Variants in RASGRF1 observed in about 807,000 individuals in gnomAD.
RASGRF1 encodes the protein ras-specific guanine nucleotide-releasing factor 1.
In RASGRF1, 40 loss-of-function variants were observed where a neutral mutation model predicts 138.7. That is an observed-to-expected ratio of 0.29 (90% CI 0.22 to 0.38). The LOEUF (loss-of-function observed/expected upper bound fraction) is 0.38, where lower values mean the gene tolerates loss of function less well. Among genes scored for constraint, RASGRF1 ranks in the 10% least tolerant of loss-of-function variants. RASGRF1 has a pLI of 1.00. For synonymous variants in RASGRF1, 614 were observed against 663.2 expected (o/e 0.93, Z 1.14); for missense variants, 1,108 against 1,650.4 (o/e 0.67, Z 5.69).
At chr15:78,972,094 T>C (rs770266017) in intron 25 of RASGRF1, among the ~76,000 whole-genome samples, 160 bp from the exon 26 acceptor site, 16 of 152,104 alleles carry the variant, frequency 1.1e-4, no homozygotes, top group Non-Finnish European at 2.4e-4. Context: ...CATGTGTGTT[T>C]GTTTTTATTT....
chr15:78,988,158 T>C (rs772502484), intron 22 of RASGRF1, among the ~76,000 whole-genome samples: 1 of 152,214 alleles, frequency 6.6e-6, no homozygotes, highest in Non-Finnish European at 1.5e-5. Flanking sequence ...CTGTGTAATG[T>C]TGGGGATGAA....
intron 20 of RASGRF1, among the ~76,000 whole-genome samples, chr15:78,995,405 C>A (rs1056355154): frequency 8.0e-6 from 1 of 124,572 alleles, no homozygotes; most frequent in African/African-American, 3.0e-5. Flanking sequence ...TCTCCCGCCT[C>A]AGTCTCCTGA....
At chr15:78,991,645 G>A in intron 21 of RASGRF1, 46 bp downstream of exon 21, 1 of 1,484,062 alleles carries the variant, frequency 6.7e-7, no homozygotes, top group South Asian at 1.1e-5. Flanking sequence ...GTCCAAGACA[G>A]TGCCTGAGGA....
chr15:79,032,633 C>T lies in RASGRF1; in HGVS notation c.959-317G>A, dbSNP rs919576921. On this transcript the variant is annotated intron_variant, in intron 6 of 26. Coordinates refer to ENST00000558480, the MANE Select transcript of RASGRF1 (RefSeq NM_001145648.3). The surrounding 1 kb of genome is among the most constrained non-coding windows in gnomAD (Gnocchi z 4.5). ...GCTGTGGGGTGCCACCTGGATCCCCCCAGCTGCCAGGAGTGCTGGTGGCCG... is the reference window on the plus strand; with the variant it reads ...GCTGTGGGGTGCCACCTGGATCCCCTCAGCTGCCAGGAGTGCTGGTGGCCG... Among the ~76,000 whole-genome samples the T allele has an allele frequency of 3.3e-5, 5 of 152,164 alleles. No homozygotes were observed. Among genetic ancestry groups the T allele is most frequent in the Admixed American group, 1.3e-4 (2 of 15,290 alleles).
At chr15:78,987,058 C>A (rs551502781) in intron 22 of RASGRF1, among the ~76,000 whole-genome samples, 4 of 152,190 alleles carry the variant, frequency 2.6e-5, no homozygotes, top group African/African-American at 9.6e-5. Context: ...TTCTATGAAG[C>A]CAGTATTACC....
Position 78,998,789 on chromosome 15 carries a change from A to G in RASGRF1, c.2783T>C (p.Phe928Ser). 6.2e-7 allele frequency: 1 copy of G among 1,614,076 alleles called. No individual in the cohort carries two copies. The highest frequency in any genetic ancestry group is 1.1e-5 in the South Asian group (1 of 91,082). ...PPDQRNGDKE[F>S]VIRRAATNRV... The stretch of plus-strand genomic sequence containing the variant: ...ATTGGTGGCTGCTCTGCGGATCACA[A>G]ACTCCTTGTCTCCATTCCTCTGGTC... Residue 928 changes from phenylalanine to serine, a missense_variant, in exon 18 of 27, where the codon TTT becomes TCT. Physicochemically the swap from Phe to Ser is radical, Grantham distance 155. Coordinates refer to ENST00000558480, the MANE Select transcript of RASGRF1 (RefSeq NM_001145648.3).
chr15:79,066,293 G>T (rs1373337962), intron 1 of RASGRF1, among the ~76,000 whole-genome samples: 1 of 152,182 alleles, frequency 6.6e-6, no homozygotes, highest in Non-Finnish European at 1.5e-5. Context: ...AGGCCAAACA[G>T]CGGGAAAGCA....
intron 9 of RASGRF1, 85 bp from the exon 10 acceptor site, chr15:79,025,559 G>A (rs925226013): frequency 1.0e-5 from 15 of 1,469,770 alleles, no homozygotes; most frequent in African/African-American, 1.4e-5. Flanking sequence ...AGATGCTGGG[G>A]CAGCAGCAGT....
At chr15:78,974,960 G>T (rs1390368993) in intron 24 of RASGRF1, among the ~76,000 whole-genome samples, 1 of 152,262 alleles carries the variant, frequency 6.6e-6, no homozygotes, top group Non-Finnish European at 1.5e-5. Context: ...AGTTGGCACA[G>T]TATGGCAAAG....
At chr15:79,023,726 C>T (rs2140985689) in intron 10 of RASGRF1, among the ~76,000 whole-genome samples, 1 of 152,248 alleles carries the variant, frequency 6.6e-6, no homozygotes, top group Non-Finnish European at 1.5e-5. Context: ...CCGCAAGGTC[C>T]TGAGGCTCTG....
chr15:79,013,691 G>A (rs1369185811), intron 13 of RASGRF1, among the ~76,000 whole-genome samples: 3 of 152,182 alleles, frequency 2.0e-5, no homozygotes, highest in Admixed American at 2.0e-4. Context: ...AGGCCAGAGA[G>A]CCAGTGGGCT....
chr15:78,988,229 A>G (rs1168002110), intron 22 of RASGRF1, among the ~76,000 whole-genome samples: 1 of 152,362 alleles, frequency 6.6e-6, no homozygotes, highest in East Asian at 1.9e-4. Context: ...GGATTAAATG[A>G]GATGATGCTT....
intron 1 of RASGRF1, among the ~76,000 whole-genome samples, chr15:79,069,715 G>A (rs138130059): frequency 1.0e-3 from 154 of 152,292 alleles, no homozygotes; most frequent in African/African-American, 3.5e-3. Flanking sequence ...TGGGGGAAAC[G>A]GGGGCAGAAG....
chr15:79,070,114 C>T (rs1362924640), intron 1 of RASGRF1, among the ~76,000 whole-genome samples: 6 of 152,168 alleles, frequency 3.9e-5, no homozygotes, highest in Middle Eastern at 3.2e-3. Flanking sequence ...GGGAAATGCA[C>T]AGGTGCTAAC....
chr15:78,968,918 A>C (rs990418876), intron 26 of RASGRF1, among the ~76,000 whole-genome samples: 26 of 152,298 alleles, frequency 1.7e-4, no homozygotes, highest in Non-Finnish European at 3.7e-4. Flanking sequence ...CTTTAATAAA[A>C]ACCTGTTAGG....
At chr15:79,083,430 A>C (rs764517963) in intron 1 of RASGRF1, among the ~76,000 whole-genome samples, 2 of 152,226 alleles carry the variant, frequency 1.3e-5, no homozygotes, top group Non-Finnish European at 2.9e-5. Context: ...ATGCTCCCAC[A>C]GATTCCAGGG....
chr15:78,968,250 A>ATGTGTGGGGGTGTGTG (rs1555449271), intron 26 of RASGRF1, among the ~76,000 whole-genome samples: 9 of 134,330 alleles, frequency 6.7e-5, no homozygotes, highest in South Asian at 2.4e-4. Context: ...CATGACACTG[A>ATGTGTGGGGGTGTGTG]TGTGTGTGTG....
At chr15:78,964,180 A>ATT (rs200489608) in intron 26 of RASGRF1, among the ~76,000 whole-genome samples, 1 of 146,844 alleles carries the variant, frequency 6.8e-6, no homozygotes, top group Admixed American at 6.8e-5. Flanking sequence ...TTATTTATTT[A>ATT]TTTTTTTTTT....
intron 26 of RASGRF1, among the ~76,000 whole-genome samples, chr15:78,963,350 G>C (rs1790441119): frequency 6.6e-6 from 1 of 151,228 alleles, no homozygotes; most frequent in Admixed American, 6.6e-5. Flanking sequence ...CGCCCAGTCT[G>C]GAGTGCAGTG....
Sources: allele counts gnomAD v4.1 joint callset (sites outside exome capture counted in the v4.1 genomes callset), GRCh38; gene constraint gnomAD v4.1.1; non-coding constraint Gnocchi (gnomAD v3.1); transcripts MANE v1.5; gene names NCBI Gene and HGNC (gene_info 2026-07-23, HGNC 2026-07-21).